The following RAP1GDS1 variants were observed in gnomAD, a reference collection of about 807,000 sequenced individuals.
RAP1GDS1 encodes the protein Rap1 GTPase-GDP dissociation stimulator 1, also known as RAP1, GTP-GDP dissociation stimulator 1.
In RAP1GDS1, 35 loss-of-function variants were observed where a neutral mutation model predicts 71.1. The observed-to-expected ratio is 0.49, with a 90% CI of 0.38 to 0.65. RAP1GDS1 has a LOEUF of 0.65. Ranked by LOEUF, RAP1GDS1 falls within the 30% of genes least tolerant of loss-of-function variation. RAP1GDS1 has a pLI of 0.00. For synonymous variants in RAP1GDS1, 229 were observed against 243.1 expected, an observed-to-expected ratio of 0.94 and a Z score of 0.54; for missense variants, 663 against 706.1, an observed-to-expected ratio of 0.94 and a Z score of 0.69.
intron 4 of RAP1GDS1, among the ~76,000 whole-genome samples, chr4:98,367,588 TG>T (rs1459543230): frequency 6.6e-6 from 1 of 152,184 alleles, no homozygotes; most frequent in Non-Finnish European, 1.5e-5. Context: ...GTAACCAGGA[TG>T]GGGGCTATAC....
At chr4:98,383,229 TAAAG>T (rs1177697325) in intron 5 of RAP1GDS1, among the ~76,000 whole-genome samples, 2 of 151,582 alleles carry the variant, frequency 1.3e-5, no homozygotes, top group African/African-American at 2.4e-5. Context: ...TTATAACTCT[TAAAG>T]AAAGTGGTAA....
At position 98,343,146 on chromosome 4, in the gene RAP1GDS1, A is replaced by C. The variant is rs1206388914; in HGVS notation, c.120A>C (p.Glu40Asp). The part of the protein sequence containing the change: ...LLQALAQNNT[E>D]TSEKIQASGI... ...TGTATGTATCTCTTTTAGATACGGA[A>C]ACAAGTGAAAAAATCCAAGCAAGTG... Residue 40 changes from glutamate to aspartate, a missense_variant, in exon 3 of 15, where the codon GAA (glutamate) becomes GAC (aspartate). Physicochemically the swap from Glu to Asp is conservative, Grantham distance 45. Transcript: ENST00000408927. 6.2e-7 allele frequency: 1 copy of C among 1,608,656 alleles called. No homozygotes were observed. The highest frequency in any genetic ancestry group is 1.7e-5 in the Admixed American group (1 of 59,194).
intron 1 of RAP1GDS1, among the ~76,000 whole-genome samples, chr4:98,283,414 A>T (rs1176175333): frequency 6.6e-6 from 1 of 151,834 alleles, no homozygotes; most frequent in African/African-American, 2.4e-5. Context: ...CATACAAAGC[A>T]CCATCAGTCA....
intron 6 of RAP1GDS1, among the ~76,000 whole-genome samples, chr4:98,393,832 T>C (rs562974761): frequency 6.6e-6 from 1 of 152,330 alleles, no homozygotes; most frequent in African/African-American, 2.4e-5. Flanking sequence ...CATGTTGACA[T>C]GATAATTTGA....
intron 1 of RAP1GDS1, among the ~76,000 whole-genome samples, chr4:98,262,919 A>G (rs1371571650): frequency 6.6e-6 from 1 of 152,194 alleles, no homozygotes; most frequent in Non-Finnish European, 1.5e-5. Context: ...AAAAAGGTCT[A>G]GGGCTCTGAA....
chr4:98,308,927 A>C (rs1729796533), intron 2 of RAP1GDS1, among the ~76,000 whole-genome samples: 2 of 152,104 alleles, frequency 1.3e-5, no homozygotes, highest in Non-Finnish European at 1.5e-5. Context: ...TACCACCAGA[A>C]AATTGTTTAC....
At chr4:98,339,016 C>T (rs1397736320) in intron 2 of RAP1GDS1, among the ~76,000 whole-genome samples, 3 of 152,180 alleles carry the variant, frequency 2.0e-5, no homozygotes, top group Non-Finnish European at 4.4e-5. Flanking sequence ...CTCCTTACTC[C>T]CTCCTTTGTA....
intron 7 of RAP1GDS1, among the ~76,000 whole-genome samples, chr4:98,414,785 G>A (rs571627582): frequency 8.2e-4 from 125 of 152,102 alleles, no homozygotes; most frequent in African/African-American, 2.9e-3. Context: ...GGATGGCATT[G>A]AATCTGTAAA....
At chr4:98,386,440 G>C (rs986855629) in intron 5 of RAP1GDS1, among the ~76,000 whole-genome samples, 5 of 151,792 alleles carry the variant, frequency 3.3e-5, no homozygotes, top group Non-Finnish European at 7.4e-5. Context: ...GCCATGTAGA[G>C]ACAATTTTTA....
At chr4:98,318,418 A>G (rs1444672400) in intron 2 of RAP1GDS1, among the ~76,000 whole-genome samples, 1 of 152,152 alleles carries the variant, frequency 6.6e-6, no homozygotes, top group African/African-American at 2.4e-5. Context: ...AACAACAATA[A>G]CTAATGATAA....
chr4:98,431,630 T>C (rs184325633), intron 12 of RAP1GDS1, among the ~76,000 whole-genome samples: 1 of 152,344 alleles, frequency 6.6e-6, no homozygotes, highest in African/African-American at 2.4e-5. Flanking sequence ...ACTTATTTAT[T>C]GTCTGAACTT....
chr4:98,437,986 G>T (rs1219066088), intron 14 of RAP1GDS1, among the ~76,000 whole-genome samples: 1 of 152,036 alleles, frequency 6.6e-6, no homozygotes, highest in Non-Finnish European at 1.5e-5. Context: ...TGGTTTTGCA[G>T]TTAATTGTTC....
intron 2 of RAP1GDS1, among the ~76,000 whole-genome samples, chr4:98,327,413 G>T (rs574679539): frequency 6.8e-4 from 103 of 152,286 alleles, no homozygotes; most frequent in Non-Finnish European, 1.4e-3. Flanking sequence ...ACAGTTGCTG[G>T]GCAGATGTCT....
At chr4:98,289,287 G>C (rs1726538917) in intron 1 of RAP1GDS1, among the ~76,000 whole-genome samples, 1 of 152,100 alleles carries the variant, frequency 6.6e-6, no homozygotes, top group African/African-American at 2.4e-5. Context: ...AGGTTCCTCT[G>C]ACTGCAGGAA....
chr4:98,273,399 A>T (rs1723768105), intron 1 of RAP1GDS1, among the ~76,000 whole-genome samples: 1 of 152,184 alleles, frequency 6.6e-6, no homozygotes, highest in South Asian at 2.1e-4. Flanking sequence ...TATATATGAG[A>T]GAACATAAAT....
chr4:98,261,463 C>G lies in RAP1GDS1; in HGVS notation c.-103C>G. 2 of 1,286,316 alleles carry G rather than the reference C, an allele frequency of 1.6e-6. No individual in the cohort carries two copies. Among genetic ancestry groups the G allele is most frequent in the African/African-American group, 1.5e-5 (1 of 65,470 alleles). 79.7% of individuals were successfully genotyped at this position (1,286,316 alleles called of 1,614,324 possible). ...GCGGCCGCCCCCCGCGGGTCCCTCC[C>G]TGGCTGCGGGAGAGACGGAGGTAGA... On this transcript the variant is annotated 5_prime_UTR_variant, in exon 1 of 15. Coordinates refer to ENST00000408927, the MANE Select transcript of RAP1GDS1 (RefSeq NM_001100427.2).
chr4:98,420,428 C>T (rs570001042), intron 11 of RAP1GDS1, among the ~76,000 whole-genome samples: 22 of 151,706 alleles, frequency 1.5e-4, no homozygotes, highest in East Asian at 1.4e-3. Context: ...TGCAGTGGTG[C>T]GACCTCAGCT....
intron 1 of RAP1GDS1, among the ~76,000 whole-genome samples, chr4:98,292,293 A>G (rs76693732): frequency 1.9e-4 from 29 of 151,852 alleles, no homozygotes; most frequent in African/African-American, 6.5e-4. Context: ...ATATGCAGTT[A>G]ATTTTTTTAT....
At chr4:98,418,314 T>C (rs1225809874) in intron 9 of RAP1GDS1, among the ~76,000 whole-genome samples, 3 of 152,208 alleles carry the variant, frequency 2.0e-5, no homozygotes, top group African/African-American at 4.8e-5. Flanking sequence ...GGTAGAGTAC[T>C]ATCACTGTAA....
Sources: allele counts gnomAD v4.1 joint callset (sites outside exome capture counted in the v4.1 genomes callset), GRCh38; gene constraint gnomAD v4.1.1; transcripts MANE v1.5; gene names NCBI Gene and HGNC (gene_info 2026-07-23, HGNC 2026-07-21).